Variants in COL11A1 observed in about 807,000 individuals in gnomAD.
COL11A1 encodes the protein collagen alpha-1(XI) chain.
In COL11A1, 74 loss-of-function variants were observed where a neutral mutation model predicts 265.2. The observed-to-expected ratio is 0.28, with a 90% CI of 0.23 to 0.34. The LOEUF (loss-of-function observed/expected upper bound fraction) is 0.34. Among genes scored for constraint, COL11A1 ranks in the 10% least tolerant of loss-of-function variants. The pLI is 1.00. For synonymous variants in COL11A1, 816 were observed against 727.6 expected (o/e 1.12, Z -1.96); for missense variants, 2,165 against 2,263.6 (o/e 0.96, Z 0.88).
rs970868702 is a variant in COL11A1, at chr1:102,995,788, T to TA, written c.2340+75dup. The TA allele has an allele frequency of 2.5e-5, 31 of 1,241,716 alleles. No individual in the cohort carries two copies. In the African/African-American group the frequency reaches 4.3e-4, roughly 17 times the overall value. 76.9% of individuals were successfully genotyped at this position (1,241,716 alleles called of 1,614,324 possible). ...AGTAATCACTCATATATTCAAGAAATAAAATGTCTGTTGAATAAATTTAAA... is the reference window on the plus strand; with the variant it reads ...AGTAATCACTCATATATTCAAGAAATAAAAATGTCTGTTGAATAAATTTAAA... On this transcript the variant is annotated intron_variant, in intron 28 of 66. Coordinates refer to ENST00000370096, the MANE Select transcript of COL11A1 (RefSeq NM_001854.4).
intron 4 of COL11A1, among the ~76,000 whole-genome samples, chr1:103,069,034 A>G (rs749666051): frequency 6.6e-6 from 1 of 151,716 alleles, no homozygotes; most frequent in East Asian, 1.9e-4. Context: ...CCCCATTAAA[A>G]CCACAACTTC....
rs568177995 is a variant in COL11A1, at chr1:102,986,571, G to A, written c.2502+1062C>T. Reference sequence around the variant, plus strand: ...GTAAAAAATAAAATAAAGAAATTATGGAATGTTTGTTGTAGAAAATATAGA... The same window carrying A: ...GTAAAAAATAAAATAAAGAAATTATAGAATGTTTGTTGTAGAAAATATAGA... On this transcript the variant is annotated intron_variant, in intron 30 of 66. Transcript: ENST00000370096. Among the ~76,000 whole-genome samples, 140 of 152,118 alleles carry A rather than the reference G, an allele frequency of 9.2e-4. 1 individual carries two copies. The highest frequency in any genetic ancestry group is 3.3e-3 in the African/African-American group (138 of 41,518).
intron 4 of COL11A1, among the ~76,000 whole-genome samples, chr1:103,057,544 C>T (rs986227368): frequency 1.3e-5 from 2 of 152,144 alleles, no homozygotes; most frequent in African/African-American, 4.8e-5. Flanking sequence ...ATAGGAATCA[C>T]TATGTATGGC....
chr1:103,015,557 A>G (rs576577386), intron 12 of COL11A1, 111 bp downstream of exon 12: 4 of 823,098 alleles, frequency 4.9e-6, no homozygotes, highest in Non-Finnish European at 7.7e-6. Context: ...AAGTATTTCT[A>G]CCTTGTACAA....
Position 102,984,207 on chromosome 1 carries a change from A to G in COL11A1, c.2503-16T>C. The G allele has an allele frequency of 6.6e-7, 1 of 1,504,490 alleles. No individual in the cohort carries two copies. Among genetic ancestry groups the G allele is most frequent in the East Asian group, 2.3e-5 (1 of 42,820 alleles). 93.2% of individuals were successfully genotyped at this position (1,504,490 alleles called of 1,614,324 possible). A position where few individuals can be genotyped will look rare whatever the true frequency, so the allele number is the denominator to read the frequency against. ...CAAGTTTTCCCTACAGTTAAAATAT[A>G]TAATAATCAAAGTAATATTTTAAGT... is the stretch of plus-strand genomic sequence containing the variant. On this transcript the variant is annotated splice_polypyrimidine_tract_variant and intron_variant, in intron 30 of 66. Transcript: ENST00000370096.
At chr1:102,947,436 C>A (rs759413268) in intron 41 of COL11A1, among the ~76,000 whole-genome samples, 1 of 151,894 alleles carries the variant, frequency 6.6e-6, no homozygotes, top group Non-Finnish European at 1.5e-5. Flanking sequence ...TTCAGAAATT[C>A]TTTGCATTAG....
rs1215196763 is a variant in COL11A1 at position 103,018,828 on chromosome 1, G to A, written c.1340C>T (p.Ala447Val). 1.2e-5 allele frequency: 19 copies of A among 1,612,302 alleles called. No homozygotes were observed. Among genetic ancestry groups the A allele is most frequent in the Non-Finnish European group, 1.6e-5 (19 of 1,178,686 alleles). Residue 447 changes from alanine (A) to valine (V), a missense_variant, in exon 10 of 67, where the codon GCA becomes GTA. By Grantham distance (64) the Ala-to-Val change is moderately conservative (BLOSUM62 0). Transcript: ENST00000370096. The part of the protein sequence containing the change: ...GMLVEGPPGP[A>V]GPAGIMGPPG... ...AAAACATTTACATACTGCAGGTCCTGCTGGTCCTGGTGGTCCTTCGACAAG... is the reference window on the plus strand; with the variant it reads ...AAAACATTTACATACTGCAGGTCCTACTGGTCCTGGTGGTCCTTCGACAAG...
intron 8 of COL11A1, 62 bp from the exon 9 acceptor site, chr1:103,021,831 T>A: frequency 9.1e-7 from 1 of 1,099,486 alleles, no homozygotes; most frequent in Non-Finnish European, 1.3e-6. Flanking sequence ...TCTTTCTTTC[T>A]TTTCTTCTTT....
chr1:102,936,348 C>T (rs369094845), intron 44 of COL11A1, among the ~76,000 whole-genome samples: 4 of 151,020 alleles, frequency 2.6e-5, no homozygotes, highest in South Asian at 2.1e-4. Flanking sequence ...CTTGAAAGAG[C>T]GGCTGACAGA....
At chr1:102,964,151 A>G (rs1661182062) in intron 38 of COL11A1, among the ~76,000 whole-genome samples, 1 of 152,198 alleles carries the variant, frequency 6.6e-6, no homozygotes, top group Admixed American at 6.5e-5. Context: ...ATTGAACAGA[A>G]TTGTATTTTT....
intron 1 of COL11A1, among the ~76,000 whole-genome samples, chr1:103,103,582 G>A (rs936933539): frequency 2.6e-5 from 4 of 151,730 alleles, no homozygotes; most frequent in Admixed American, 2.6e-4. Flanking sequence ...CTTTATATAA[G>A]ACATTTTCAC....
At chr1:103,053,194 TA>T (rs1413461202) in intron 4 of COL11A1, among the ~76,000 whole-genome samples, 4 of 152,212 alleles carry the variant, frequency 2.6e-5, no homozygotes, top group Non-Finnish European at 5.9e-5. Flanking sequence ...GCATCCTATA[TA>T]AACTGTGGTA....
chr1:102,946,287 C>A, intron 42 of COL11A1, among the ~76,000 whole-genome samples: 1 of 149,504 alleles, frequency 6.7e-6, no homozygotes, highest in East Asian at 2.0e-4. Context: ...TGTAACTAAC[C>A]TGCACATTGT....
intron 46 of COL11A1, among the ~76,000 whole-genome samples, chr1:102,928,946 T>TA (rs1657005451): frequency 2.2e-5 from 1 of 45,538 alleles, no homozygotes; most frequent in Non-Finnish European, 8.4e-5. Flanking sequence ...GGGGTTGTTT[T>TA]TTTCTTGTAA....
intron 6 of COL11A1, 95 bp from the exon 7 acceptor site, chr1:103,025,708 G>T: frequency 6.4e-7 from 1 of 1,558,770 alleles, no homozygotes; most frequent in South Asian, 1.1e-5. Flanking sequence ...TTAGCCAAGT[G>T]AGTATTTATC....
At chr1:103,099,135 C>T (rs1674028640) in intron 1 of COL11A1, among the ~76,000 whole-genome samples, 1 of 151,640 alleles carries the variant, frequency 6.6e-6, no homozygotes, top group African/African-American at 2.4e-5. Context: ...TAGATGGATT[C>T]TGTTCTAGAT....
intron 4 of COL11A1, among the ~76,000 whole-genome samples, chr1:103,050,383 T>C (rs1669708542): frequency 6.6e-6 from 1 of 152,226 alleles, no homozygotes; most frequent in Admixed American, 6.5e-5. Context: ...TTTCTTCCAG[T>C]TGATCGCATC....
At chr1:102,987,761 A>G (rs1292176174) in intron 29 of COL11A1, 21 bp from the exon 30 acceptor site, 3 of 1,562,340 alleles carry the variant, frequency 1.9e-6, no homozygotes, top group South Asian at 1.1e-5. Flanking sequence ...GAATAACAAC[A>G]TTCTTATGAG....
intron 42 of COL11A1, among the ~76,000 whole-genome samples, chr1:102,944,340 C>G (rs934149018): frequency 1.3e-5 from 2 of 152,210 alleles, no homozygotes; most frequent in Non-Finnish European, 2.9e-5. Flanking sequence ...TCTTATTACC[C>G]ACTTTATGTT....
Sources: allele counts gnomAD v4.1 joint callset (sites outside exome capture counted in the v4.1 genomes callset), GRCh38; gene constraint gnomAD v4.1.1; transcripts MANE v1.5; gene names NCBI Gene and HGNC (gene_info 2026-07-23, HGNC 2026-07-21).